Variants in PHKB observed in about 807,000 individuals in gnomAD.
PHKB encodes phosphorylase kinase regulatory subunit beta.
A neutral mutation model predicts 152.1 loss-of-function variants in PHKB; 122 were observed. The observed-to-expected ratio is 0.80, with a 90% CI of 0.69 to 0.93. PHKB has a LOEUF of 0.93. Ranked by LOEUF, PHKB falls within the 40% of genes least tolerant of loss-of-function variation. PHKB has a pLI of 0.00. For synonymous variants in PHKB, 436 were observed against 464.9 expected (o/e 0.94, Z 0.80); for missense variants, 1,304 against 1,328.4 (o/e 0.98, Z 0.29).
intron 7 of PHKB, among the ~76,000 whole-genome samples, chr16:47,577,640 A>G (rs1360395388): frequency 6.6e-6 from 1 of 151,794 alleles, no homozygotes; most frequent in African/African-American, 2.4e-5. Context: ...TAACTTTCTG[A>G]GTGGGTAGTT....
Position 47,660,669 on chromosome 16 carries a change from TAA to T in PHKB, c.2047_2048del (p.Lys683GlufsTer3), listed in dbSNP as rs1973426193. 1 of 1,614,112 alleles carries T rather than the reference TAA, an allele frequency of 6.2e-7. No individual in the cohort carries two copies. Among genetic ancestry groups the T allele is most frequent in the Non-Finnish European group, 8.5e-7 (1 of 1,179,982 alleles). The stretch of plus-strand genomic sequence containing the variant: ...TTTTAATTTTTAGGCTTCCAGAATT[TAA>T]GAGTTTTGAGGAACTAGAACCTCCC... ...ISDTEELPEF[K>X]SFEELEPPKH... is the part of the protein sequence containing the mutation. On this transcript the variant is annotated frameshift_variant, in exon 22 of 31. Coordinates refer to ENST00000323584, the MANE Select transcript of PHKB (RefSeq NM_000293.3). LOFTEE classifies it high-confidence loss of function.
Position 47,461,349 on chromosome 16 carries a change from C to G in PHKB, c.-2C>G, listed in dbSNP as rs1969547805. The G allele has an allele frequency of 6.2e-7, 1 of 1,608,934 alleles. No individual in the cohort carries two copies. Among genetic ancestry groups the G allele is most frequent in the African/African-American group, 1.3e-5 (1 of 74,848 alleles). On this transcript the variant is annotated 5_prime_UTR_variant, in exon 1 of 31. Coordinates refer to ENST00000323584, the MANE Select transcript of PHKB (RefSeq NM_000293.3). ...GGTGGCCAAGGCGGCGACCGGAGCG[C>G]GATGGCGGGGGCGGCGGGACTCACG...
At chr16:47,586,924 A>G (rs1022911312) in intron 8 of PHKB, among the ~76,000 whole-genome samples, 5 of 151,962 alleles carry the variant, frequency 3.3e-5, no homozygotes, top group South Asian at 2.1e-4. Context: ...TGAAATATAT[A>G]TATGTGTGTG....
In PHKB at chr16:47,499,841, C is replaced by G; in HGVS notation, c.252C>G (p.Ile84Met). 1 of 1,614,170 alleles carries G rather than the reference C, an allele frequency of 6.2e-7. No individual in the cohort carries two copies. The highest frequency in any genetic ancestry group is 8.5e-7 in the Non-Finnish European group (1 of 1,180,020). Residue 84 changes from isoleucine to methionine, a missense_variant, in exon 3 of 31, where the codon ATC (isoleucine) becomes ATG (methionine). Transcript: ENST00000323584. Reference sequence around the variant, plus strand: ...GCGGTGGTGACCAGAAGGCCAAGATCCAGGACAGCCTATACTGCGCTGCTG... The same window carrying G: ...GCGGTGGTGACCAGAAGGCCAAGATGCAGGACAGCCTATACTGCGCTGCTG... ...KTCGGDQKAK[I>M]QDSLYCAAGA...
chr16:47,534,781 G>A (rs527829418), intron 6 of PHKB, among the ~76,000 whole-genome samples: 1 of 152,196 alleles, frequency 6.6e-6, no homozygotes, highest in Non-Finnish European at 1.5e-5. Context: ...CTGTGCTATG[G>A]TGCTTTAAGA....
intron 1 of PHKB, among the ~76,000 whole-genome samples, chr16:47,470,759 G>A (rs1969752246): frequency 6.6e-6 from 1 of 152,200 alleles, no homozygotes; most frequent in Non-Finnish European, 1.5e-5. Flanking sequence ...TACTACTGAT[G>A]TCTTCTTGAT....
chr16:47,644,854 C>A (rs1346429619), intron 16 of PHKB, among the ~76,000 whole-genome samples: 1 of 152,148 alleles, frequency 6.6e-6, no homozygotes, highest in Non-Finnish European at 1.5e-5. Context: ...CCTGGCATAT[C>A]AAAGGTGCTT....
At chr16:47,637,385 G>A (rs758599926) in intron 14 of PHKB, among the ~76,000 whole-genome samples, 15 of 152,062 alleles carry the variant, frequency 9.9e-5, no homozygotes, top group Non-Finnish European at 2.1e-4. Context: ...GCTCACCCTC[G>A]GCAAGTGTGG....
At chr16:47,587,335 ATTC>A (rs1971951472) in intron 8 of PHKB, among the ~76,000 whole-genome samples, 2 of 152,284 alleles carry the variant, frequency 1.3e-5, no homozygotes, top group Middle Eastern at 6.8e-3. Flanking sequence ...CTGCATTCTC[ATTC>A]TTTGTCATGT....
At chr16:47,660,131 G>T (rs577568644) in intron 20 of PHKB, among the ~76,000 whole-genome samples, 17 of 152,178 alleles carry the variant, frequency 1.1e-4, no homozygotes, top group Non-Finnish European at 2.5e-4. Flanking sequence ...CAAAGTGCTG[G>T]GATTACGGGC....
chr16:47,678,139 T>C (rs1597172588), intron 26 of PHKB, among the ~76,000 whole-genome samples: 1 of 152,114 alleles, frequency 6.6e-6, no homozygotes, highest in South Asian at 2.1e-4. Flanking sequence ...ATGGTGTATA[T>C]GTGCCACATT....
rs1974213011 is a variant in PHKB, at chr16:47,699,544, T to A, written c.*178T>A. The A allele has an allele frequency of 1.4e-6, 1 of 704,930 alleles. No individual in the cohort carries two copies. Among genetic ancestry groups the A allele is most frequent in the African/African-American group, 1.7e-5 (1 of 57,480 alleles). The allele number at this position is 704,930 out of a possible 1,614,324, so 43.7% of individuals were successfully genotyped here. ...GTCATAGCCAATCTAACGGTAATGG[T>A]AAATGCTTTTAATCAAGCAGGAAAA... On this transcript the variant is annotated 3_prime_UTR_variant, in exon 31 of 31. Coordinates refer to ENST00000323584, the MANE Select transcript of PHKB (RefSeq NM_000293.3).
intron 14 of PHKB, among the ~76,000 whole-genome samples, chr16:47,627,167 A>T (rs1376260192): frequency 6.6e-6 from 1 of 151,778 alleles, no homozygotes; most frequent in Non-Finnish European, 1.5e-5. Flanking sequence ...GCTCTGTTTC[A>T]CCCTCATCTT....
At chr16:47,657,995 T>C (rs1442209116) in intron 20 of PHKB, among the ~76,000 whole-genome samples, 1 of 152,192 alleles carries the variant, frequency 6.6e-6, no homozygotes, top group East Asian at 1.9e-4. Context: ...AACAGTCTGT[T>C]CATGCTCTAC....
chr16:47,506,389 T>C (rs1408399640), intron 4 of PHKB, among the ~76,000 whole-genome samples: 2 of 152,216 alleles, frequency 1.3e-5, no homozygotes, highest in African/African-American at 4.8e-5. Context: ...AATTTGTCTA[T>C]TGAGATTTGT....
chr16:47,597,638 G>C (rs929341366), intron 13 of PHKB, among the ~76,000 whole-genome samples: 2 of 151,252 alleles, frequency 1.3e-5, no homozygotes, highest in Admixed American at 6.6e-5. Context: ...TCCAAAGCGG[G>C]GGGGAAAGAC....
chr16:47,483,688 A>G (rs948800588), intron 1 of PHKB, among the ~76,000 whole-genome samples: 1 of 152,196 alleles, frequency 6.6e-6, no homozygotes, highest in Non-Finnish European at 1.5e-5. Context: ...AGAGAATAGA[A>G]TAGAACACAC....
At chr16:47,471,656 A>C (rs1005756903) in intron 1 of PHKB, among the ~76,000 whole-genome samples, 1 of 152,188 alleles carries the variant, frequency 6.6e-6, no homozygotes, top group African/African-American at 2.4e-5. Context: ...TAGAATCTAC[A>C]TATCTCTGAC....
At position 47,689,072 on chromosome 16, in the gene PHKB, C is replaced by T; in HGVS notation, c.2662C>T (p.Gln888Ter). ...WIIHAMEYEL[Q>*]IRGGDKPALD... is the part of the protein sequence containing the mutation. ...CATCCATGCCATGGAGTATGAACTT[C>T]AGATCCGTGGCGGAGACAAGCCAGC... Residue 888 changes from glutamine (Q) to a stop codon, truncating the protein, a stop_gained, in exon 27 of 31, where the codon CAG becomes TAG. Transcript: ENST00000323584. LOFTEE classifies it high-confidence loss of function. The T allele has an allele frequency of 1.9e-6, 3 of 1,614,042 alleles. No homozygotes were observed. Among genetic ancestry groups the T allele is most frequent in the Non-Finnish European group, 2.5e-6 (3 of 1,179,938 alleles).
Sources: allele counts gnomAD v4.1 joint callset (sites outside exome capture counted in the v4.1 genomes callset), GRCh38; gene constraint gnomAD v4.1.1; transcripts MANE v1.5; gene names NCBI Gene and HGNC (gene_info 2026-07-23, HGNC 2026-07-21).